The following PRKN variants were observed in gnomAD, a reference collection of about 807,000 sequenced individuals.
PRKN encodes the protein E3 ubiquitin-protein ligase parkin.
Under a neutral mutation model 59.5 loss-of-function variants are expected in PRKN, and 56 were observed. That is an observed-to-expected ratio of 0.94 (90% CI 0.76 to 1.18). The LOEUF is 1.18. PRKN is among the 50% of genes most tolerant of loss of function. The pLI is 0.00. For missense variants in PRKN, 657 were observed against 596.4 expected (o/e 1.10, Z -1.06); for synonymous variants, 250 against 222.1 (o/e 1.13, Z -1.12).
At chr6:162,179,945 C>G (rs1783715037) in intron 4 of PRKN, among the ~76,000 whole-genome samples, 1 of 84,394 alleles carries the variant, frequency 1.2e-5, no homozygotes, top group Admixed American at 1.3e-4. Context: ...AGTAAGGGGA[C>G]AGTGCTTTTT....
chr6:161,807,291 A>G (rs188629771), intron 6 of PRKN, among the ~76,000 whole-genome samples: 29 of 152,328 alleles, frequency 1.9e-4, no homozygotes, highest in Admixed American at 1.9e-3. Flanking sequence ...ATGCTTATAC[A>G]CAGATACACG....
At chr6:162,424,502 G>A (rs1161705413) in intron 2 of PRKN, among the ~76,000 whole-genome samples, 1 of 152,040 alleles carries the variant, frequency 6.6e-6, no homozygotes, top group African/African-American at 2.4e-5. Flanking sequence ...TTGGGAGGCC[G>A]AGGCAGGTGG....
chr6:162,552,788 TGG>T (rs1406952449), intron 1 of PRKN, among the ~76,000 whole-genome samples: 2 of 151,976 alleles, frequency 1.3e-5, no homozygotes, highest in Non-Finnish European at 2.9e-5. Flanking sequence ...AGAGAGGACG[TGG>T]GGCCAAGCTC....
chr6:162,624,179 C>T (rs1169803295), intron 1 of PRKN, among the ~76,000 whole-genome samples: 10 of 149,114 alleles, frequency 6.7e-5, no homozygotes, highest in South Asian at 4.3e-4. Flanking sequence ...ACCCAGGAGG[C>T]GGAGGTTGCA....
rs1428258789 is a variant in PRKN at position 161,454,700 on chromosome 6, C to G, written c.1084-67823G>C. ...ACCAAAGCCAGTGTGAGAAATCCAGCCCACCATTAGGGCTACTGAAGTCCC... is the reference window on the plus strand; with the variant it reads ...ACCAAAGCCAGTGTGAGAAATCCAGGCCACCATTAGGGCTACTGAAGTCCC... On this transcript the variant is annotated intron_variant, in intron 9 of 11. Transcript: ENST00000366898. The surrounding 1 kb of genome is among the most constrained non-coding windows in gnomAD (Gnocchi z 4.6). 1.4e-4 allele frequency among the ~76,000 whole-genome samples: 21 copies of G among 152,152 alleles called. No individual in the cohort carries two copies. The highest frequency in any genetic ancestry group is 1.4e-3 in the Admixed American group (21 of 15,286).
At chr6:161,638,717 A>C (rs1403348175) in intron 7 of PRKN, among the ~76,000 whole-genome samples, 1 of 143,848 alleles carries the variant, frequency 7.0e-6, no homozygotes, top group African/African-American at 2.6e-5. Context: ...TGTAATAGTG[A>C]GTGAGTTCTC....
intron 1 of PRKN, among the ~76,000 whole-genome samples, chr6:162,688,769 G>C (rs2128234536): frequency 6.6e-6 from 1 of 152,242 alleles, no homozygotes; most frequent in Non-Finnish European, 1.5e-5. Context: ...TTGCCTATCA[G>C]CTTAATACAT....
chr6:161,779,064 C>T (rs1029608557), intron 7 of PRKN, among the ~76,000 whole-genome samples: 5 of 152,182 alleles, frequency 3.3e-5, no homozygotes, highest in South Asian at 4.2e-4. Flanking sequence ...CTCAGCCTCC[C>T]GAGTAGCTGG....
intron 2 of PRKN, among the ~76,000 whole-genome samples, chr6:162,274,306 C>T (rs1354701370): frequency 2.6e-5 from 4 of 152,026 alleles, no homozygotes; most frequent in Non-Finnish European, 4.4e-5. Flanking sequence ...CTAACCTCAG[C>T]CTCCCCAGTA....
chr6:161,642,834 T>C (rs779757414), intron 7 of PRKN, among the ~76,000 whole-genome samples: 4 of 152,242 alleles, frequency 2.6e-5, no homozygotes, highest in Non-Finnish European at 5.9e-5. Context: ...AATTGATGCA[T>C]GTTTTATTAT....
At position 162,413,170 on chromosome 6, in the gene PRKN, T is replaced by C. The variant is rs73783509; in HGVS notation, c.171+30140A>G. Among the ~76,000 whole-genome samples, 577 of 152,306 alleles carry C rather than the reference T, an allele frequency of 3.8e-3. 4 individuals are homozygous for C. The South Asian group carries it at 0.041, about 11-fold the overall frequency. On this transcript the variant is annotated intron_variant, in intron 2 of 11. Transcript: ENST00000366898. ...CAAATATTTCAACATTTCATGCCTA[T>C]ATAATTGGCTTTAAAAGACTAAAAA... is the stretch of plus-strand genomic sequence containing the variant.
chr6:162,229,583 C>T (rs910129038), intron 3 of PRKN, among the ~76,000 whole-genome samples: 7 of 152,178 alleles, frequency 4.6e-5, no homozygotes, highest in Admixed American at 3.9e-4. Context: ...TCTTTACACA[C>T]ATCTGCCCCT....
At chr6:162,476,246 A>AT (rs1792012765) in intron 1 of PRKN, among the ~76,000 whole-genome samples, 1 of 151,066 alleles carries the variant, frequency 6.6e-6, no homozygotes, top group Non-Finnish European at 1.5e-5. Context: ...TTATTTATGT[A>AT]TTTTTAGTAG....
intron 6 of PRKN, among the ~76,000 whole-genome samples, chr6:161,842,466 T>C (rs1386050861): frequency 1.5e-5 from 2 of 135,806 alleles, no homozygotes. Flanking sequence ...AATGAGACTC[T>C]AAAAAAAAAA....
chr6:161,507,798 A>G (rs553061191), intron 9 of PRKN, among the ~76,000 whole-genome samples: 1 of 152,186 alleles, frequency 6.6e-6, no homozygotes, highest in Non-Finnish European at 1.5e-5. Context: ...TCAGTAAACT[A>G]TATTTTCATA....
intron 4 of PRKN, among the ~76,000 whole-genome samples, chr6:162,109,892 C>A (rs1780349138): frequency 6.6e-6 from 1 of 152,110 alleles, no homozygotes; most frequent in Non-Finnish European, 1.5e-5. Flanking sequence ...TACAATATCC[C>A]CAAGCTTAAA....
chr6:162,596,009 GA>G (rs560811351), intron 1 of PRKN, among the ~76,000 whole-genome samples: 3,199 of 146,624 alleles, frequency 0.022, 103 homozygotes, highest in African/African-American at 0.072. Flanking sequence ...TACATCTGGT[GA>G]AAAAAAAAAA....
intron 1 of PRKN, among the ~76,000 whole-genome samples, chr6:162,497,589 A>G (rs558410581): frequency 6.6e-6 from 1 of 152,206 alleles, no homozygotes; most frequent in African/African-American, 2.4e-5. Context: ...TTTGCAGAGC[A>G]GCTCATTTTG....
intron 5 of PRKN, among the ~76,000 whole-genome samples, chr6:162,028,369 G>A (rs1214214038): frequency 2.0e-5 from 3 of 152,138 alleles, no homozygotes; most frequent in Non-Finnish European, 4.4e-5. Context: ...AACACAAAGT[G>A]AAAGCAAAGT....
Sources: gnomAD v4.1 joint callset for allele counts (sites outside exome capture counted in the v4.1 genomes callset) on GRCh38, gnomAD v4.1.1 for gene constraint, Gnocchi (gnomAD v3.1) non-coding constraint, MANE v1.5 for transcripts, NCBI Gene and HGNC (gene_info 2026-07-23, HGNC 2026-07-21) for gene names.